Variants in EPHB4 observed in about 807,000 individuals in gnomAD.
The protein encoded by EPHB4 is EPH receptor B4, also known as ephrin type-B receptor 4.
EPHB4 carries 50 observed loss-of-function variants against 110.6 expected under a neutral mutation model. That is an observed-to-expected ratio of 0.45 (90% CI 0.36 to 0.57). The LOEUF (loss-of-function observed/expected upper bound fraction) is 0.57, where lower values mean the gene tolerates loss of function less well. Ranked by LOEUF, EPHB4 falls within the 20% of genes least tolerant of loss-of-function variation. The pLI, the probability that EPHB4 is intolerant of heterozygous loss-of-function variation, is 0.00. For missense variants in EPHB4, 1,128 were observed against 1,382.1 expected (o/e 0.82, Z 2.91); for synonymous variants, 592 against 578.4 (o/e 1.02, Z -0.34).
At chr7:100,819,444 T>C (rs534596807) in intron 6 of EPHB4, 113 bp downstream of exon 6, 4 of 1,252,048 alleles carry the variant, frequency 3.2e-6, no homozygotes, top group East Asian at 2.3e-5. Context: ...CCCAAAGCCT[T>C]AGCCCCTCAC....
rs917922151 is a variant in EPHB4 at position 100,817,205 on chromosome 7, C to T, written c.1575G>A (p.Gln525=). 19 of 1,572,292 alleles carry T rather than the reference C, an allele frequency of 1.2e-5. No individual in the cohort carries two copies. The East Asian group carries it at 4.1e-4, about 34-fold the overall frequency. The change falls in exon 8 of 17, where the codon CAG becomes CAA. Residue 525 remains glutamine (Q), a synonymous_variant. Transcript: ENST00000358173. ...YGPFGQEHHS[Q]TQLDESEGWR... is the part of the protein sequence containing the mutation. ...CCCCAGGCTCACCATCCAGTTGGGTCTGGCTGTGATGTTCCTGGCCGAAGG... is the reference window on the plus strand; with the variant it reads ...CCCCAGGCTCACCATCCAGTTGGGTTTGGCTGTGATGTTCCTGGCCGAAGG...
chr7:100,803,560 C>T lies in EPHB4; in HGVS notation c.2865G>A (p.Ala955=), dbSNP rs754186641. Residue 955 remains alanine, a synonymous_variant, in exon 17 of 17, where the codon GCG becomes GCA. Transcript: ENST00000358173. The part of the protein sequence containing the change: ...EDLLRIGVTL[A]GHQKKILASV... ...TGGCCAAGATTTTCTTCTGGTGTCCCGCCAGAGTGACTCCGATTCGGAGCA... is the reference window on the plus strand; with the variant it reads ...TGGCCAAGATTTTCTTCTGGTGTCCTGCCAGAGTGACTCCGATTCGGAGCA... 1.1e-5 allele frequency: 17 copies of T among 1,605,378 alleles called. No homozygotes were observed. The highest frequency in any genetic ancestry group is 8.5e-5 in the Admixed American group (5 of 59,120).
chr7:100,805,319 G>A lies in EPHB4; in HGVS notation c.2681C>T (p.Ala894Val). 2 of 1,613,756 alleles carry A rather than the reference G, an allele frequency of 1.2e-6. No homozygotes were observed. Among genetic ancestry groups the A allele is most frequent in the Non-Finnish European group, 1.7e-6 (2 of 1,179,860 alleles). Residue 894 changes from alanine to valine, a missense_variant and splice_region_variant, in exon 16 of 17, where the codon GCC (alanine) becomes GTC (valine). Around this residue, in one of 3 missense-constraint regions of EPHB4, gnomAD observed 209 missense variants for 240.5 expected, o/e 0.87. Transcript: ENST00000358173. Reference protein sequence around the residue: ...LKIVARENGGASHPLLDQRQP... With the variant: ...LKIVARENGGVSHPLLDQRQP... ...CCGCTGGTCCAGGAGAGGGTGTGAG[G>A]CCCTAGGGGGCAAGGATGGGGAGGA...
intron 12 of EPHB4, among the ~76,000 whole-genome samples, chr7:100,811,894 G>A (rs1434968531): frequency 2.6e-5 from 4 of 151,370 alleles, no homozygotes; most frequent in East Asian, 1.9e-4. Context: ...AAAATTGGCC[G>A]GGCGCGGTGG....
chr7:100,813,231 G>A (rs776210017), intron 10 of EPHB4, 23 bp from the exon 11 acceptor site: 12 of 1,587,350 alleles, frequency 7.6e-6, no homozygotes, highest in African/African-American at 5.4e-5. Context: ...GCAGGGCCCC[G>A]TCAGCTGGGA....
At chr7:100,826,873 C>A (rs2116472739) in intron 1 of EPHB4, 106 bp downstream of exon 1, 3 of 1,337,698 alleles carry the variant, frequency 2.2e-6, no homozygotes, top group South Asian at 1.5e-5. Context: ...GACTGCAGTG[C>A]CCGGGTAGGG....
chr7:100,808,086 A>G (rs1483019732), intron 12 of EPHB4, among the ~76,000 whole-genome samples: 1 of 152,184 alleles, frequency 6.6e-6, no homozygotes, highest in Admixed American at 6.6e-5. Flanking sequence ...ATTGCTTACA[A>G]TGGTTCCTGC....
rs1170328808 is a variant in EPHB4 at position 100,812,922 on chromosome 7, G to A, written c.1943C>T (p.Thr648Ile). ...GKKESCVAIK[T>I]LKGGYTERQR... Reference sequence around the variant, plus strand: ...CCGCTCCGTGTAGCCACCCTTCAGGGTCTTGATTGCCACACAGCTCTCCTT... The same window carrying A: ...CCGCTCCGTGTAGCCACCCTTCAGGATCTTGATTGCCACACAGCTCTCCTT... The change falls in exon 12 of 17, where the codon ACC becomes ATC. Residue 648 changes from threonine to isoleucine, a missense_variant. Thr to Ile is a moderately conservative substitution (Grantham distance 89). This residue lies in a region of EPHB4 where 191 missense variants were observed against 313.0 expected (regional missense o/e 0.61). Transcript: ENST00000358173. The A allele has an allele frequency of 1.2e-6, 2 of 1,614,208 alleles. No individual in the cohort carries two copies. The highest frequency in any genetic ancestry group is 1.7e-6 in the Non-Finnish European group (2 of 1,180,046).
In EPHB4 at chr7:100,820,274, C is replaced by T; in HGVS notation, c.831G>A (p.Lys277=). The stretch of plus-strand genomic sequence containing the variant: ...GGCAGGACCCTTCTCCTGACAGGGG[C>T]TTGAAGGTGCCCTGGGCACAGGCTG... ...KCRACAQGTF[K]PLSGEGSCQP... is the part of the protein sequence containing the mutation. Residue 277 remains lysine, a synonymous_variant, in exon 5 of 17, where the codon AAG becomes AAA. Transcript: ENST00000358173. 6.2e-7 allele frequency: 1 copy of T among 1,613,898 alleles called. No individual in the cohort carries two copies. The highest frequency in any genetic ancestry group is 8.5e-7 in the Non-Finnish European group (1 of 1,179,968).
Position 100,803,273 on chromosome 7 carries a change from G to C in EPHB4, c.*188C>G. ...CCTTGGTCTGGAGTTCCCCGAGGTG[G>C]CTGGGGGGTGATTTTCCCCTCCTAT... On this transcript the variant is annotated 3_prime_UTR_variant, in exon 17 of 17. Transcript: ENST00000358173. The C allele has an allele frequency of 1.5e-6, 1 of 646,216 alleles. No individual in the cohort carries two copies. The highest frequency in any genetic ancestry group is 2.4e-6 in the Non-Finnish European group (1 of 425,424). 40.0% of individuals were successfully genotyped at this position (646,216 alleles called of 1,614,324 possible).
chr7:100,805,547 T>C lies in EPHB4; in HGVS notation c.2632A>G (p.Ile878Val), dbSNP rs1474196596. ...PQVVSALDKM[I>V]RNPASLKIVA... Reference sequence around the variant, plus strand: ...ATTTTGAGGCTGGCGGGGTTCCGGATCATCTTGTCCAGGGCGCTGACCACC... The same window carrying C: ...ATTTTGAGGCTGGCGGGGTTCCGGACCATCTTGTCCAGGGCGCTGACCACC... Residue 878 changes from isoleucine to valine, a missense_variant, in exon 15 of 17, where the codon ATC becomes GTC. Around this residue, in one of 3 missense-constraint regions of EPHB4, gnomAD observed 209 missense variants for 240.5 expected, o/e 0.87. Coordinates refer to ENST00000358173, the MANE Select transcript of EPHB4 (RefSeq NM_004444.5). 7.2e-6 allele frequency: 11 copies of C among 1,530,414 alleles called. No homozygotes were observed. Among genetic ancestry groups the C allele is most frequent in the African/African-American group, 1.4e-5 (1 of 72,192 alleles). 94.8% of individuals were successfully genotyped at this position (1,530,414 alleles called of 1,614,324 possible). A position where few individuals can be genotyped will look rare whatever the true frequency, so the allele number is the denominator to read the frequency against.
chr7:100,817,176 C>T lies in EPHB4; in HGVS notation c.1588+16G>A. On this transcript the variant is annotated intron_variant, in intron 8 of 16. Transcript: ENST00000358173. ...GTCTTTCCAACCCCCACCCTCACCC[C>T]CTTCCCCAGGCTCACCATCCAGTTG... is the stretch of plus-strand genomic sequence containing the variant. 2 of 1,514,784 alleles carry T rather than the reference C, an allele frequency of 1.3e-6. No individual in the cohort carries two copies. Among genetic ancestry groups the T allele is most frequent in the Non-Finnish European group, 1.8e-6 (2 of 1,133,820 alleles). 93.8% of individuals were successfully genotyped at this position (1,514,784 alleles called of 1,614,324 possible). A position where few individuals can be genotyped will look rare whatever the true frequency, so the allele number is the denominator to read the frequency against.
At chr7:100,814,567 C>CA (rs1380712197) in intron 8 of EPHB4, among the ~76,000 whole-genome samples, 5 of 152,044 alleles carry the variant, frequency 3.3e-5, no homozygotes, top group African/African-American at 9.6e-5. Context: ...CCAGAGTCCA[C>CA]AAAAAAATCT....
Position 100,803,231 on chromosome 7 carries a change from G to A in EPHB4, c.*230C>T, listed in dbSNP as rs1812735751. On this transcript the variant is annotated 3_prime_UTR_variant, in exon 17 of 17. Coordinates refer to ENST00000358173, the MANE Select transcript of EPHB4 (RefSeq NM_004444.5). The stretch of plus-strand genomic sequence containing the variant: ...TTCCTCTGGTCACACCCAGTCCTGA[G>A]GGAAAGGCGCCCTCACCCTTGGTCT... 3.2e-5 allele frequency: 14 copies of A among 438,926 alleles called. No homozygotes were observed. The East Asian group carries it at 5.1e-4, about 16-fold the overall frequency. The allele number at this position is 438,926 out of a possible 1,614,324, so 27.2% of individuals were successfully genotyped here. A position where few individuals can be genotyped will look rare whatever the true frequency, so the allele number is the denominator to read the frequency against.
At chr7:100,826,842 C>G (rs1046939682) in intron 1 of EPHB4, 137 bp downstream of exon 1, 2 of 896,720 alleles carry the variant, frequency 2.2e-6, no homozygotes, top group African/African-American at 3.5e-5. Context: ...CGTTCCAGCA[C>G]TATCGGTCCG....
At chr7:100,823,375 T>C (rs1584666723) in intron 3 of EPHB4, among the ~76,000 whole-genome samples, 2 of 152,242 alleles carry the variant, frequency 1.3e-5, no homozygotes, top group South Asian at 4.1e-4. Context: ...TCAGTGTGGC[T>C]GGAGCACAGT....
At chr7:100,820,072 A>T in intron 5 of EPHB4, 69 bp downstream of exon 5, 1 of 1,569,722 alleles carries the variant, frequency 6.4e-7, no homozygotes, top group Non-Finnish European at 8.6e-7. Flanking sequence ...GATGGGGGCC[A>T]TGTGAGGGTC....
At chr7:100,818,685 G>A in intron 6 of EPHB4, 41 bp from the exon 7 acceptor site, 1 of 1,580,524 alleles carries the variant, frequency 6.3e-7, no homozygotes. Flanking sequence ...GTGCATGGTA[G>A]CTCTGTCCCT....
At chr7:100,812,364 G>A (rs1812954053) in intron 12 of EPHB4, among the ~76,000 whole-genome samples, 1 of 151,972 alleles carries the variant, frequency 6.6e-6, no homozygotes, top group Non-Finnish European at 1.5e-5. Flanking sequence ...CTGAGGTGGG[G>A]AGATCACTTG....
Sources: allele counts gnomAD v4.1 joint callset (sites outside exome capture counted in the v4.1 genomes callset), GRCh38; gene constraint gnomAD v4.1.1; regional missense constraint gnomAD v4.1.1; transcripts MANE v1.5; gene names NCBI Gene and HGNC (gene_info 2026-07-23, HGNC 2026-07-21).